Variants in MAPKAP1 observed in about 807,000 individuals in gnomAD.
MAPKAP1 encodes the protein MAPK associated protein 1.
Under a neutral mutation model 65.7 loss-of-function variants are expected in MAPKAP1, and 20 were observed. That is an observed-to-expected ratio of 0.30 (90% CI 0.21 to 0.44). The LOEUF is 0.44. MAPKAP1 is among the 20% of genes least tolerant of loss of function. The probability of loss-of-function intolerance (pLI) is 1.00; values close to 1 mark genes in which losing one functional copy is unlikely to be tolerated. For missense variants in MAPKAP1, 423 were observed against 648.0 expected, an observed-to-expected ratio of 0.65 and a Z score of 3.77; for synonymous variants, 222 against 244.3, an observed-to-expected ratio of 0.91 and a Z score of 0.85.
chr9:125,518,003 T>C (rs1195499693), intron 7 of MAPKAP1, among the ~76,000 whole-genome samples: 3 of 152,228 alleles, frequency 2.0e-5, no homozygotes, highest in Non-Finnish European at 4.4e-5. Context: ...GGCTTCAGCA[T>C]AGCAAAAGGC....
At chr9:125,693,690 T>C (rs138286128) in intron 1 of MAPKAP1, among the ~76,000 whole-genome samples, 42,579 of 133,580 alleles carry the variant, frequency 0.32, 8,076 homozygotes, top group Non-Finnish European at 0.39. Context: ...TATACACGTA[T>C]ATATACACGT....
intron 9 of MAPKAP1, among the ~76,000 whole-genome samples, chr9:125,480,962 A>T (rs984446275): frequency 1.1e-4 from 14 of 124,380 alleles, no homozygotes; most frequent in Admixed American, 5.9e-4. Flanking sequence ...ACAGAGCGAG[A>T]CTCCGTTTCG....
chr9:125,693,842 CACAT>C (rs372925139), intron 1 of MAPKAP1, among the ~76,000 whole-genome samples: 4 of 127,504 alleles, frequency 3.1e-5, no homozygotes, highest in Non-Finnish European at 6.1e-5. Context: ...TATATATACA[CACAT>C]ACACACACAC....
Position 125,573,378 on chromosome 9 carries a change from G to A in MAPKAP1, c.671+12177C>T, listed in dbSNP as rs548461667. 4.6e-5 allele frequency among the ~76,000 whole-genome samples: 7 copies of A among 152,258 alleles called. No individual in the cohort carries two copies. The East Asian group carries it at 1.2e-3, about 25-fold the overall frequency. On this transcript the variant is annotated intron_variant, in intron 5 of 11. Coordinates refer to ENST00000265960, the MANE Select transcript of MAPKAP1 (RefSeq NM_001006617.3). ...ACTGCTACACTCCCACCAGTGCCATGACAGTTTACAAATGCCATGGCAACA... is the reference window on the plus strand; with the variant it reads ...ACTGCTACACTCCCACCAGTGCCATAACAGTTTACAAATGCCATGGCAACA...
chr9:125,688,819 T>C (rs1835067798), intron 1 of MAPKAP1, among the ~76,000 whole-genome samples: 2 of 152,162 alleles, frequency 1.3e-5, no homozygotes, highest in African/African-American at 2.4e-5. Flanking sequence ...TATAAATCAG[T>C]AAACTTCGGC....
intron 1 of MAPKAP1, among the ~76,000 whole-genome samples, chr9:125,701,660 T>C (rs1012816092): frequency 2.0e-5 from 3 of 152,216 alleles, no homozygotes; most frequent in Admixed American, 1.3e-4. Flanking sequence ...ACCTATCTCA[T>C]AGGACTATGA....
At chr9:125,591,187 T>A (rs1448551628) in intron 4 of MAPKAP1, among the ~76,000 whole-genome samples, 1 of 152,206 alleles carries the variant, frequency 6.6e-6, no homozygotes, top group Non-Finnish European at 1.5e-5. Context: ...TCAGCCTGAC[T>A]CCAAAGGCCC....
chr9:125,494,351 C>T (rs1325842523), intron 8 of MAPKAP1, among the ~76,000 whole-genome samples: 1 of 152,134 alleles, frequency 6.6e-6, no homozygotes, highest in South Asian at 2.1e-4. Flanking sequence ...TTAAAGCCAT[C>T]GGGATCACGC....
At chr9:125,644,956 A>T (rs970228006) in intron 4 of MAPKAP1, among the ~76,000 whole-genome samples, 22 of 152,350 alleles carry the variant, frequency 1.4e-4, no homozygotes, top group African/African-American at 5.3e-4. Flanking sequence ...TGTTAGACAT[A>T]GCGCAATCAT....
intron 5 of MAPKAP1, among the ~76,000 whole-genome samples, chr9:125,580,170 C>T: frequency 6.6e-6 from 1 of 152,188 alleles, no homozygotes; most frequent in East Asian, 1.9e-4. Context: ...ATTTGACCCA[C>T]CTATCCCATT....
At position 125,497,091 on chromosome 9, in the gene MAPKAP1, A is replaced by C. The variant is rs1828830086; in HGVS notation, c.1066+9219T>G. On this transcript the variant is annotated intron_variant, in intron 8 of 11. Transcript: ENST00000265960. Reference sequence around the variant, plus strand: ...CCAGGTAATCTGGGCAGCTCCTAGGAGTTGCCTCCTCTCCTGGGGCCTCAG... The same window carrying C: ...CCAGGTAATCTGGGCAGCTCCTAGGCGTTGCCTCCTCTCCTGGGGCCTCAG... 1.3e-5 allele frequency among the ~76,000 whole-genome samples: 2 copies of C among 152,102 alleles called. 1 individual carries two copies. Among genetic ancestry groups the C allele is most frequent in the South Asian group, 4.2e-4 (2 of 4,818 alleles).
At chr9:125,459,477 A>C (rs2132967899) in intron 10 of MAPKAP1, among the ~76,000 whole-genome samples, 1 of 150,914 alleles carries the variant, frequency 6.6e-6, no homozygotes, top group Middle Eastern at 3.4e-3. Context: ...TGGGAGGTGG[A>C]GGTTGTAGCG....
chr9:125,453,064 A>T (rs1301611261), intron 10 of MAPKAP1, among the ~76,000 whole-genome samples: 1 of 152,086 alleles, frequency 6.6e-6, no homozygotes, highest in Non-Finnish European at 1.5e-5. Flanking sequence ...TTATTTATTT[A>T]TTTATTTTTC....
At chr9:125,512,290 C>T (rs538642879) in intron 7 of MAPKAP1, among the ~76,000 whole-genome samples, 1 of 152,204 alleles carries the variant, frequency 6.6e-6, no homozygotes, top group Admixed American at 6.5e-5. Flanking sequence ...TCTAGAGACC[C>T]GTGGGAGAAA....
intron 1 of MAPKAP1, among the ~76,000 whole-genome samples, chr9:125,706,056 A>G (rs1270144116): frequency 6.6e-6 from 1 of 152,204 alleles, no homozygotes; most frequent in Non-Finnish European, 1.5e-5. Context: ...AGCATGCCCC[A>G]AATCCCGCAG....
intron 1 of MAPKAP1, among the ~76,000 whole-genome samples, chr9:125,702,122 T>C (rs1478957046): frequency 4.6e-5 from 7 of 152,332 alleles, no homozygotes; most frequent in East Asian, 3.9e-4. Context: ...ATCCACGACA[T>C]GCAGTGGCTC....
In MAPKAP1 at chr9:125,669,890, G is replaced by T. The variant is rs1268461772; in HGVS notation, c.277C>A (p.Leu93Ile). The T allele has an allele frequency of 5.6e-6, 9 of 1,594,086 alleles. No individual in the cohort carries two copies. Among genetic ancestry groups the T allele is most frequent in the Non-Finnish European group, 6.8e-6 (8 of 1,168,364 alleles). Reference sequence around the variant, plus strand: ...ATCTGGTTTTGTCTCTCTTTTCGGAGTCGTTCTAATCTTTGAGCTTGAAAA... The same window carrying T: ...ATCTGGTTTTGTCTCTCTTTTCGGATTCGTTCTAATCTTTGAGCTTGAAAA... Reference protein sequence around the residue: ...RSNTAQRLERLRKERQNQIKC... With the variant: ...RSNTAQRLERIRKERQNQIKC... Residue 93 changes from leucine (L) to isoleucine (I), a missense_variant, in exon 3 of 12, where the codon CTC (leucine) becomes ATC (isoleucine). Around this residue, in one of 6 missense-constraint regions of MAPKAP1, gnomAD observed 67 missense variants for 69.6 expected, o/e 0.96. Transcript: ENST00000265960.
intron 10 of MAPKAP1, among the ~76,000 whole-genome samples, chr9:125,445,867 C>T (rs886662654): frequency 6.6e-6 from 1 of 151,892 alleles, no homozygotes; most frequent in African/African-American, 2.4e-5. Flanking sequence ...GAACAGTGCC[C>T]AAGAGAGACA....
Position 125,706,040 on chromosome 9 carries a change from G to T in MAPKAP1, c.-70+931C>A, listed in dbSNP as rs188261016. Among the ~76,000 whole-genome samples, 29 of 152,226 alleles carry T rather than the reference G, an allele frequency of 1.9e-4. No individual in the cohort carries two copies. The East Asian group carries it at 5.4e-3, about 28-fold the overall frequency. On this transcript the variant is annotated intron_variant, in intron 1 of 11. Transcript: ENST00000265960. ...TGAGCACACAGATGAATGGGAAAGGGCTACCAGCATGCCCCAAATCCCGCA... is the reference window on the plus strand; with the variant it reads ...TGAGCACACAGATGAATGGGAAAGGTCTACCAGCATGCCCCAAATCCCGCA...
Sources: allele counts gnomAD v4.1 joint callset (sites outside exome capture counted in the v4.1 genomes callset), GRCh38; gene constraint gnomAD v4.1.1; regional missense constraint gnomAD v4.1.1; transcripts MANE v1.5; gene names NCBI Gene and HGNC (gene_info 2026-07-23, HGNC 2026-07-21).